PRKAR1B: variants seen among roughly 807,000 people sequenced by gnomAD.
PRKAR1B encodes the protein protein kinase cAMP-dependent type I regulatory subunit beta.
In PRKAR1B, 22 loss-of-function variants were observed where a neutral mutation model predicts 46.5. That is an observed-to-expected ratio of 0.47 (90% confidence interval 0.34 to 0.68). The LOEUF (loss-of-function observed/expected upper bound fraction) is 0.68, where lower values mean the gene tolerates loss of function less well. Ranked by LOEUF, PRKAR1B falls within the 30% of genes least tolerant of loss-of-function variation. PRKAR1B has a pLI of 0.01. For synonymous variants in PRKAR1B, 259 were observed against 217.7 expected (o/e 1.19, Z -1.67); for missense variants, 445 against 535.6 (o/e 0.83, Z 1.67).
intron 4 of PRKAR1B, among the ~76,000 whole-genome samples, chr7:657,716 C>G (rs1056388388): frequency 1.3e-5 from 2 of 152,182 alleles, no homozygotes; most frequent in African/African-American, 4.8e-5. Context: ...GTTTGTGGGA[C>G]TCTTAGCAAC....
chr7:720,354 A>C (rs1330798514), intron 1 of PRKAR1B, among the ~76,000 whole-genome samples: 1 of 152,106 alleles, frequency 6.6e-6, no homozygotes, highest in Non-Finnish European at 1.5e-5. Flanking sequence ...CACCGCGCCC[A>C]GCCCTCTGTG....
intron 4 of PRKAR1B, among the ~76,000 whole-genome samples, chr7:612,205 C>CGGAT (rs1251700038): frequency 3.2e-5 from 3 of 93,766 alleles, no homozygotes; most frequent in Admixed American, 1.2e-4. Flanking sequence ...AGTAGATCAA[C>CGGAT]GGATGGATGG....
chr7:680,819 G>A, intron 2 of PRKAR1B, 93 bp from the exon 3 acceptor site: 1 of 1,403,454 alleles, frequency 7.1e-7, no homozygotes, highest in Non-Finnish European at 9.8e-7. Context: ...CACTGTGGGA[G>A]GACTAGTGGG....
At chr7:582,287 G>C (rs752971535) in intron 8 of PRKAR1B, among the ~76,000 whole-genome samples, 7 of 152,270 alleles carry the variant, frequency 4.6e-5, no homozygotes, top group Non-Finnish European at 8.8e-5. Flanking sequence ...AGGAGAAAGC[G>C]GGGTCCCAGG....
At chr7:568,132 C>T in intron 9 of PRKAR1B, among the ~76,000 whole-genome samples, 1 of 152,220 alleles carries the variant, frequency 6.6e-6, no homozygotes, top group African/African-American at 2.4e-5. Context: ...TCAGCTCATA[C>T]TGCCTCACAG....
intron 4 of PRKAR1B, among the ~76,000 whole-genome samples, chr7:661,340 A>C (rs1486195842): frequency 1.3e-5 from 1 of 74,108 alleles, no homozygotes; most frequent in Non-Finnish European, 2.5e-5. Context: ...AACGGGTCCA[A>C]ATACCTACTC....
intron 4 of PRKAR1B, among the ~76,000 whole-genome samples, chr7:619,706 C>A (rs551161928): frequency 6.6e-6 from 1 of 152,370 alleles, no homozygotes; most frequent in South Asian, 2.1e-4. Context: ...CACCTGGCTC[C>A]ATTTATGATC....
chr7:688,625 C>G (rs1182358346), intron 2 of PRKAR1B, among the ~76,000 whole-genome samples: 2 of 152,172 alleles, frequency 1.3e-5, no homozygotes, highest in Non-Finnish European at 2.9e-5. Flanking sequence ...CAAGGACAGC[C>G]TTCCTCAATG....
chr7:558,976 G>A (rs1049522827), intron 9 of PRKAR1B, among the ~76,000 whole-genome samples: 7 of 152,170 alleles, frequency 4.6e-5, no homozygotes, highest in African/African-American at 1.7e-4. Flanking sequence ...GGTGCCACAG[G>A]CGTGGACGGC....
chr7:699,162 C>T (rs1779929150), intron 2 of PRKAR1B, among the ~76,000 whole-genome samples: 1 of 152,254 alleles, frequency 6.6e-6, no homozygotes. Flanking sequence ...GCCTCAGAGG[C>T]ATGCCTGGGT....
chr7:727,258 G>C lies in PRKAR1B; in HGVS notation c.-71C>G. 1 of 1,327,644 alleles carries C rather than the reference G, an allele frequency of 7.5e-7. No individual in the cohort carries two copies. Among genetic ancestry groups the C allele is most frequent in the Non-Finnish European group, 9.6e-7 (1 of 1,042,748 alleles). The allele number at this position is 1,327,644 out of a possible 1,614,324, so 82.2% of individuals were successfully genotyped here. A position where few individuals can be genotyped will look rare whatever the true frequency, so the allele number is the denominator to read the frequency against. On this transcript the variant is annotated 5_prime_UTR_variant, in exon 1 of 11. Coordinates refer to ENST00000537384, the MANE Select transcript of PRKAR1B (RefSeq NM_001164760.2). Reference sequence around the variant, plus strand: ...GCGCTGCTCCCTGCTCGACCCCTTCGCCGCCGTGCGCCGCGAGAGCTGCAG... The same window carrying C: ...GCGCTGCTCCCTGCTCGACCCCTTCCCCGCCGTGCGCCGCGAGAGCTGCAG...
chr7:606,142 C>G (rs982425203), intron 6 of PRKAR1B, 51 bp downstream of exon 6: 56 of 1,585,592 alleles, frequency 3.5e-5, no homozygotes, highest in Non-Finnish European at 4.9e-5. Flanking sequence ...AGTCTTCACA[C>G]CGGACATGCA....
chr7:629,568 C>T (rs1258068976), intron 4 of PRKAR1B, among the ~76,000 whole-genome samples: 1 of 96,402 alleles, frequency 1.0e-5, no homozygotes, highest in Non-Finnish European at 2.1e-5. Flanking sequence ...CCTCCCAGGG[C>T]GCCACCACCC....
At chr7:692,436 G>C (rs888154080) in intron 2 of PRKAR1B, among the ~76,000 whole-genome samples, 11 of 152,066 alleles carry the variant, frequency 7.2e-5, no homozygotes, top group East Asian at 3.9e-4. Context: ...GACAGAGAGA[G>C]AGAGAGAGAA....
intron 1 of PRKAR1B, 146 bp downstream of exon 1, chr7:727,064 C>A: frequency 1.9e-6 from 2 of 1,061,814 alleles, no homozygotes; most frequent in African/African-American, 1.7e-5. Context: ...GATGCCCTGC[C>A]GCGCCTGCTG....
rs997569508 is a variant in PRKAR1B at position 549,513 on chromosome 7, G to C, written c.*917C>G. 1 of 152,338 alleles carries C rather than the reference G, an allele frequency of 6.6e-6. No homozygotes were observed. Among genetic ancestry groups the C allele is most frequent in the African/African-American group, 2.4e-5 (1 of 41,468 alleles). 9.4% of individuals were successfully genotyped at this position (152,338 alleles called of 1,614,324 possible). On this transcript the variant is annotated 3_prime_UTR_variant, in exon 11 of 11. Transcript: ENST00000537384. ...TTCTCTGCACTGGCCTCACCCTTTC[G>C]GGCCTGGCTGGCTCACGTCATCACT...
chr7:645,747 GGGGACCCTGGGATCCC>G (rs1314289080), intron 4 of PRKAR1B, among the ~76,000 whole-genome samples: 1 of 152,042 alleles, frequency 6.6e-6, no homozygotes, highest in Non-Finnish European at 1.5e-5. Flanking sequence ...GGGGCTCCCA[GGGGACCCTGGGATCCC>G]GGATGTGCGT....
chr7:552,908 G>A (rs1040458011), intron 9 of PRKAR1B, among the ~76,000 whole-genome samples: 3 of 152,274 alleles, frequency 2.0e-5, no homozygotes, highest in Admixed American at 6.5e-5. Context: ...CCCGACACGG[G>A]GAAGTGGGGA....
intron 6 of PRKAR1B, among the ~76,000 whole-genome samples, chr7:598,449 A>T (rs1781400275): frequency 2.5e-5 from 2 of 79,188 alleles, no homozygotes; most frequent in African/African-American, 8.9e-5. Context: ...CACCCTCCAC[A>T]CTAAATACCA....
Sources: gnomAD v4.1 joint callset for allele counts (sites outside exome capture counted in the v4.1 genomes callset) on GRCh38, gnomAD v4.1.1 for gene constraint, MANE v1.5 for transcripts, NCBI Gene and HGNC (gene_info 2026-07-23, HGNC 2026-07-21) for gene names.